The following TAOK3 variants were observed in gnomAD, a reference collection of about 807,000 sequenced individuals.
TAOK3 encodes the protein serine/threonine-protein kinase TAO3.
A neutral mutation model predicts 120.4 loss-of-function variants in TAOK3; 40 were observed. The ratio of observed to expected loss-of-function variants is 0.33; its 90% CI spans 0.26 to 0.43. The LOEUF (loss-of-function observed/expected upper bound fraction) is 0.43. Among genes scored for constraint, TAOK3 ranks in the 20% least tolerant of loss-of-function variants. The probability of loss-of-function intolerance (pLI) is 1.00; values close to 1 mark genes in which losing one functional copy is unlikely to be tolerated. For synonymous variants in TAOK3, 355 were observed against 387.5 expected, an observed-to-expected ratio of 0.92 and a Z score of 0.99; for missense variants, 821 against 1,112.1, an observed-to-expected ratio of 0.74 and a Z score of 3.72.
chr12:118,182,401 T>C (rs1484641046), intron 14 of TAOK3, among the ~76,000 whole-genome samples: 1 of 151,828 alleles, frequency 6.6e-6, no homozygotes, highest in Non-Finnish European at 1.5e-5. Flanking sequence ...TAATTATCTG[T>C]TGTGGGGGCC....
intron 1 of TAOK3, among the ~76,000 whole-genome samples, chr12:118,279,575 T>C (rs1481629103): frequency 6.6e-6 from 1 of 151,066 alleles, no homozygotes. Context: ...TAATCCATCT[T>C]GAGTTGATTT....
Position 118,243,445 on chromosome 12 carries a change from T to TAC in TAOK3, c.263_264insGT (p.Gly89Ter). 6.3e-7 allele frequency: 1 copy of TAC among 1,575,896 alleles called. No homozygotes were observed. The highest frequency in any genetic ancestry group is 8.6e-7 in the Non-Finnish European group (1 of 1,165,884). ...CAGTGTGTTCTTTCAAGTAACAGCC[T>TAC]TTGTACTCAATAGTATTAGGATGCT... On this transcript the variant is annotated frameshift_variant, in exon 5 of 21. Transcript: ENST00000392533. LOFTEE classifies it high-confidence loss of function.
chr12:118,161,814 G>C lies in TAOK3; in HGVS notation c.2113C>G (p.Leu705Val), dbSNP rs1402229595. 1 of 1,614,222 alleles carries C rather than the reference G, an allele frequency of 6.2e-7. No homozygotes were observed. Among genetic ancestry groups the C allele is most frequent in the Admixed American group, 1.7e-5 (1 of 60,026 alleles). ...TTTAAGTTTTTTGGCTGTTGCCGAAGTTCCATGACATGCTTTCTGTGCAGT... is the reference window on the plus strand; with the variant it reads ...TTTAAGTTTTTTGGCTGTTGCCGAACTTCCATGACATGCTTTCTGTGCAGT... ...RELHRKHVME[L>V]RQQPKNLKAM... The change falls in exon 18 of 21, where the codon CTT becomes GTT. Residue 705 changes from leucine to valine, a missense_variant. Leu to Val is a conservative substitution (Grantham distance 32). Transcript: ENST00000392533. This position sits in a 1 kb window ranked among gnomAD's most constrained non-coding sequence, Gnocchi z 4.5.
At chr12:118,275,218 A>G (rs1566049512) in intron 1 of TAOK3, among the ~76,000 whole-genome samples, 1 of 152,128 alleles carries the variant, frequency 6.6e-6, no homozygotes, top group Non-Finnish European at 1.5e-5. Context: ...AGTTCACTGT[A>G]GCTTCAACCT....
intron 9 of TAOK3, among the ~76,000 whole-genome samples, chr12:118,227,095 G>T (rs562116486): frequency 1.1e-4 from 16 of 151,826 alleles, no homozygotes; most frequent in South Asian, 1.0e-3. Context: ...AACTTGGTAA[G>T]AAAAAACTAG....
At chr12:118,256,408 C>T (rs1489489081) in intron 2 of TAOK3, among the ~76,000 whole-genome samples, 2 of 152,176 alleles carry the variant, frequency 1.3e-5, no homozygotes, top group East Asian at 3.8e-4. Flanking sequence ...TAAGTACACA[C>T]ATACCCCCAA....
intron 5 of TAOK3, among the ~76,000 whole-genome samples, chr12:118,241,693 T>C (rs1262349552): frequency 6.6e-6 from 1 of 152,232 alleles, no homozygotes; most frequent in East Asian, 1.9e-4. Flanking sequence ...TAAATTATTC[T>C]TGTGCCTGTT....
intron 9 of TAOK3, among the ~76,000 whole-genome samples, chr12:118,230,576 C>G (rs1397681196): frequency 7.1e-6 from 1 of 141,772 alleles, no homozygotes; most frequent in Non-Finnish European, 1.5e-5. Context: ...TCACACCGTT[C>G]TCCTGCCTCA....
chr12:118,311,759 G>C (rs945081409), intron 1 of TAOK3, among the ~76,000 whole-genome samples: 6 of 152,168 alleles, frequency 3.9e-5, no homozygotes, highest in Admixed American at 2.6e-4. Context: ...AATGGATGCT[G>C]TGTCAGAACA....
intron 8 of TAOK3, among the ~76,000 whole-genome samples, chr12:118,235,202 T>A (rs948650218): frequency 6.6e-6 from 1 of 152,158 alleles, no homozygotes; most frequent in South Asian, 2.1e-4. Flanking sequence ...TGTTGGCTAG[T>A]CAGGGAAGGT....
At chr12:118,217,531 CA>C (rs1213522017) in intron 9 of TAOK3, among the ~76,000 whole-genome samples, 1 of 151,300 alleles carries the variant, frequency 6.6e-6, no homozygotes, top group Admixed American at 6.6e-5. Flanking sequence ...ACTAAAAATA[CA>C]AAAGTTAGCT....
At chr12:118,318,442 C>T (rs758883212) in intron 1 of TAOK3, among the ~76,000 whole-genome samples, 3 of 152,058 alleles carry the variant, frequency 2.0e-5, no homozygotes, top group African/African-American at 7.2e-5. Flanking sequence ...AGGTGTGAGC[C>T]GCTGCGCCTG....
At chr12:118,182,623 A>ATATATT (rs371125415) in intron 14 of TAOK3, among the ~76,000 whole-genome samples, 45 of 92,388 alleles carry the variant, frequency 4.9e-4, no homozygotes, top group Middle Eastern at 7.0e-3. Context: ...ATATATATAT[A>ATATATT]TTTTTTTTTT....
chr12:118,261,830 C>T (rs564254131), intron 2 of TAOK3, among the ~76,000 whole-genome samples: 2 of 152,144 alleles, frequency 1.3e-5, no homozygotes, highest in South Asian at 2.1e-4. Flanking sequence ...TTAAAAAGTA[C>T]AGAAGATCAA....
At chr12:118,169,167 C>T (rs1451081377) in intron 17 of TAOK3, among the ~76,000 whole-genome samples, 1 of 152,082 alleles carries the variant, frequency 6.6e-6, no homozygotes, top group African/African-American at 2.4e-5. Flanking sequence ...GCACCCACCA[C>T]CACACTTGGC....
At chr12:118,328,765 G>C (rs990967237) in intron 1 of TAOK3, among the ~76,000 whole-genome samples, 2 of 152,144 alleles carry the variant, frequency 1.3e-5, no homozygotes, top group African/African-American at 4.8e-5. Flanking sequence ...CCAAATAATT[G>C]AAACTTTCCA....
At chr12:118,308,930 C>CAAA (rs1208470509) in intron 1 of TAOK3, among the ~76,000 whole-genome samples, 19 of 36,726 alleles carry the variant, frequency 5.2e-4, no homozygotes, top group Admixed American at 8.5e-4. Flanking sequence ...AACTCTGTCT[C>CAAA]CAAAAAAAAA....
chr12:118,172,191 T>A (rs2036033978), intron 17 of TAOK3, among the ~76,000 whole-genome samples: 1 of 152,264 alleles, frequency 6.6e-6, no homozygotes, highest in Non-Finnish European at 1.5e-5. Context: ...TTCTTCATTG[T>A]GTGATATGGC....
At chr12:118,273,722 A>C (rs1428319017) in intron 1 of TAOK3, among the ~76,000 whole-genome samples, 1 of 152,012 alleles carries the variant, frequency 6.6e-6, no homozygotes, top group Non-Finnish European at 1.5e-5. Context: ...AGGCTGAGAC[A>C]GGAGAATAGC....
Sources: gnomAD v4.1 joint callset for allele counts (sites outside exome capture counted in the v4.1 genomes callset) on GRCh38, gnomAD v4.1.1 for gene constraint, Gnocchi (gnomAD v3.1) non-coding constraint, MANE v1.5 for transcripts, NCBI Gene and HGNC (gene_info 2026-07-23, HGNC 2026-07-21) for gene names.